The following KCNIP4 variants were observed in gnomAD, a reference collection of about 807,000 sequenced individuals.
KCNIP4 encodes the protein potassium voltage-gated channel interacting protein 4, also known as Kv channel-interacting protein 4.
KCNIP4 carries 12 observed loss-of-function variants against 34.0 expected under a neutral mutation model. The observed-to-expected ratio is 0.35, with a 90% CI of 0.23 to 0.57. KCNIP4 has a LOEUF of 0.57. KCNIP4 is among the 20% of genes least tolerant of loss of function. KCNIP4 has a pLI of 0.83. For missense variants in KCNIP4, 238 were observed against 311.7 expected, an observed-to-expected ratio of 0.76 and a Z score of 1.78; for synonymous variants, 124 against 102.2, an observed-to-expected ratio of 1.21 and a Z score of -1.29.
chr4:21,407,841 G>T (rs1724126440), intron 1 of KCNIP4, among the ~76,000 whole-genome samples: 1 of 152,112 alleles, frequency 6.6e-6, no homozygotes, highest in South Asian at 2.1e-4. Flanking sequence ...AGGAGAAAAA[G>T]AATAAAAGTT....
chr4:21,839,903 T>G (rs1723576043), intron 1 of KCNIP4, among the ~76,000 whole-genome samples: 1 of 152,148 alleles, frequency 6.6e-6, no homozygotes, highest in African/African-American at 2.4e-5. Context: ...GCAAGTAAGA[T>G]GCCTTGGATC....
intron 1 of KCNIP4, among the ~76,000 whole-genome samples, chr4:21,051,404 ATTTC>A (rs34672010): frequency 4.6e-5 from 7 of 152,096 alleles, no homozygotes; most frequent in East Asian, 1.9e-4. Context: ...TTGACAGATG[ATTTC>A]TTTGTTTGTT....
At chr4:20,870,756 A>C (rs7671127) in intron 2 of KCNIP4, among the ~76,000 whole-genome samples, 3,024 of 152,244 alleles carry the variant, frequency 0.02, 85 homozygotes, top group African/African-American at 0.069. Context: ...ATTTCCTCCC[A>C]CACAACTTAT....
intron 3 of KCNIP4, among the ~76,000 whole-genome samples, chr4:20,800,770 A>C (rs1714128289): frequency 6.6e-6 from 1 of 152,176 alleles, no homozygotes; most frequent in Admixed American, 6.5e-5. Context: ...AAGAGTGAAG[A>C]TATTCTTTGG....
intron 1 of KCNIP4, among the ~76,000 whole-genome samples, chr4:21,335,514 T>C (rs963395416): frequency 6.6e-6 from 1 of 152,228 alleles, no homozygotes; most frequent in African/African-American, 2.4e-5. Context: ...GTGCCTGTTT[T>C]GCTCTTAAAA....
intron 1 of KCNIP4, among the ~76,000 whole-genome samples, chr4:21,493,874 G>A (rs1034830115): frequency 6.6e-6 from 1 of 152,178 alleles, no homozygotes; most frequent in Non-Finnish European, 1.5e-5. Flanking sequence ...AAGCTCTAGG[G>A]GGATTGTCTG....
At chr4:20,866,453 T>C (rs955623757) in intron 2 of KCNIP4, among the ~76,000 whole-genome samples, 2 of 151,984 alleles carry the variant, frequency 1.3e-5, no homozygotes, top group Admixed American at 1.3e-4. Context: ...AGTAACACCC[T>C]ATATCCTTTT....
At chr4:21,829,337 G>A (rs889575179) in intron 1 of KCNIP4, among the ~76,000 whole-genome samples, 2 of 152,080 alleles carry the variant, frequency 1.3e-5, no homozygotes, top group African/African-American at 4.8e-5. Flanking sequence ...CTGAAAGGGG[G>A]TGATGGTCAT....
chr4:21,458,985 T>C (rs952026336), intron 1 of KCNIP4, among the ~76,000 whole-genome samples: 1 of 152,066 alleles, frequency 6.6e-6, no homozygotes. Context: ...TGCTCTAAGC[T>C]CCAGCTCTCC....
At chr4:21,563,627 G>A (rs1190187628) in intron 1 of KCNIP4, among the ~76,000 whole-genome samples, 6 of 152,018 alleles carry the variant, frequency 3.9e-5, no homozygotes, top group Non-Finnish European at 7.4e-5. Flanking sequence ...TTTAGAAAAA[G>A]TACTCAAATA....
At chr4:21,384,700 C>T (rs1721857775) in intron 1 of KCNIP4, among the ~76,000 whole-genome samples, 1 of 152,186 alleles carries the variant, frequency 6.6e-6, no homozygotes, top group Non-Finnish European at 1.5e-5. Context: ...AATTTGCCAA[C>T]TGGTATTGTC....
intron 1 of KCNIP4, among the ~76,000 whole-genome samples, chr4:20,972,686 C>T (rs914383692): frequency 2.0e-5 from 3 of 152,028 alleles, no homozygotes; most frequent in African/African-American, 7.2e-5. Flanking sequence ...GAGTGAGCAA[C>T]AGCAAGATTT....
chr4:21,071,026 G>T (rs978741903), intron 1 of KCNIP4, among the ~76,000 whole-genome samples: 2 of 151,894 alleles, frequency 1.3e-5, no homozygotes, highest in Non-Finnish European at 2.9e-5. Context: ...TGTTAGATAT[G>T]TAGTTTATCA....
chr4:21,484,147 C>T (rs1731702391), intron 1 of KCNIP4, among the ~76,000 whole-genome samples: 1 of 151,968 alleles, frequency 6.6e-6, no homozygotes, highest in South Asian at 2.1e-4. Flanking sequence ...GAGAAAGGGG[C>T]TGGGTGTGGT....
intron 1 of KCNIP4, among the ~76,000 whole-genome samples, chr4:21,195,467 C>A (rs973272205): frequency 1.3e-5 from 2 of 152,172 alleles, no homozygotes; most frequent in African/African-American, 4.8e-5. Flanking sequence ...TACAAAATGT[C>A]TCAGCACTGA....
intron 3 of KCNIP4, among the ~76,000 whole-genome samples, chr4:20,841,032 C>T (rs768578181): frequency 1.3e-5 from 2 of 152,118 alleles, no homozygotes; most frequent in Admixed American, 6.6e-5. Context: ...TTGAGTAGTA[C>T]TTGATAAAAC....
intron 1 of KCNIP4, chr4:21,847,272 T>C (rs778883233): frequency 5.3e-5 from 8 of 152,126 alleles, no homozygotes; most frequent in South Asian, 4.1e-4. Context: ...CTGCACTTTT[T>C]ACATGTCGCT....
intron 1 of KCNIP4, among the ~76,000 whole-genome samples, chr4:21,324,191 T>G (rs1714792256): frequency 8.6e-6 from 1 of 115,668 alleles, no homozygotes; most frequent in Non-Finnish European, 1.8e-5. Context: ...TTCCCCATTC[T>G]GTAGAAGTTT....
chr4:21,298,779 C>T (rs1379246867), intron 1 of KCNIP4, among the ~76,000 whole-genome samples: 1 of 152,116 alleles, frequency 6.6e-6, no homozygotes, highest in Non-Finnish European at 1.5e-5. Context: ...GATTACAGTA[C>T]ACATGCTTAT....
Sources: allele counts gnomAD v4.1 joint callset (sites outside exome capture counted in the v4.1 genomes callset), GRCh38; gene constraint gnomAD v4.1.1; transcripts MANE v1.5; gene names NCBI Gene and HGNC (gene_info 2026-07-23, HGNC 2026-07-21).